Variants in BMPR2 observed in about 807,000 individuals in gnomAD.
BMPR2 encodes the protein bone morphogenetic protein receptor type-2.
Under a neutral mutation model 100.8 loss-of-function variants are expected in BMPR2, and 29 were observed. The observed-to-expected ratio is 0.29, with a 90% CI of 0.21 to 0.39. The LOEUF is 0.39. Ranked by LOEUF, BMPR2 falls within the 10% of genes least tolerant of loss-of-function variation. The pLI is 1.00. For synonymous variants in BMPR2, 382 were observed against 442.3 expected, an observed-to-expected ratio of 0.86 and a Z score of 1.71; for missense variants, 1,011 against 1,274.5, an observed-to-expected ratio of 0.79 and a Z score of 3.15.
At chr2:202,396,122 A>G (rs1202919366) in intron 1 of BMPR2, among the ~76,000 whole-genome samples, 5 of 152,188 alleles carry the variant, frequency 3.3e-5, no homozygotes, top group African/African-American at 1.2e-4. Context: ...TGAGAGGCCT[A>G]GTCAAGTGGT....
chr2:202,403,550 A>C (rs560740059), intron 1 of BMPR2, among the ~76,000 whole-genome samples: 1 of 152,204 alleles, frequency 6.6e-6, no homozygotes, highest in South Asian at 2.1e-4. Context: ...AAATTTAAGT[A>C]AAAGTGATAC....
At chr2:202,549,077 GCTTT>G (rs1688426312) in intron 10 of BMPR2, among the ~76,000 whole-genome samples, 1 of 152,000 alleles carries the variant, frequency 6.6e-6, no homozygotes, top group Admixed American at 6.6e-5. Flanking sequence ...CCACTGATCT[GCTTT>G]CTGTCACTAG....
rs375492148 is a variant in BMPR2, at chr2:202,555,890, T to G, written c.2225T>G (p.Ile742Ser). The G allele has an allele frequency of 6.2e-7, 1 of 1,613,978 alleles. No homozygotes were observed. The highest frequency in any genetic ancestry group is 8.5e-7 in the Non-Finnish European group (1 of 1,180,030). ...CLIPDVLPTQIYPLPKQQNLP... is the reference protein window; with the variant it reads ...CLIPDVLPTQSYPLPKQQNLP... ...ATTCCTGATGTTCTGCCTACTCAGA[T>G]CTATCCTCTCCCCAAGCAGCAGAAC... Residue 742 changes from isoleucine to serine, a missense_variant, in exon 12 of 13, where the codon ATC becomes AGC. Ile to Ser is a moderately radical substitution (Grantham distance 142). This residue lies in a region of BMPR2 where 508 missense variants were observed against 552.0 expected (regional missense o/e 0.92). Transcript: ENST00000374580.
At chr2:202,544,301 C>T (rs1391263112) in intron 10 of BMPR2, among the ~76,000 whole-genome samples, 1 of 152,012 alleles carries the variant, frequency 6.6e-6, no homozygotes, top group Non-Finnish European at 1.5e-5. Flanking sequence ...GATGAAGTTC[C>T]TCCTTAAGTA....
At chr2:202,452,590 C>G (rs1333405527) in intron 1 of BMPR2, among the ~76,000 whole-genome samples, 2 of 152,158 alleles carry the variant, frequency 1.3e-5, no homozygotes, top group Non-Finnish European at 2.9e-5. Flanking sequence ...CAAGTCCAGC[C>G]TGGGCAACAT....
At position 202,532,745 on chromosome 2, in the gene BMPR2, G is replaced by C; in HGVS notation, c.1276+13G>C. ...GACCTCTTCCCAGGTAAAAACTACTGTCAAAAGTTGATATTTTTTGAAGTG... is the reference window on the plus strand; with the variant it reads ...GACCTCTTCCCAGGTAAAAACTACTCTCAAAAGTTGATATTTTTTGAAGTG... On this transcript the variant is annotated intron_variant, in intron 9 of 12. Coordinates refer to ENST00000374580, the MANE Select transcript of BMPR2 (RefSeq NM_001204.7). The surrounding 1 kb of genome is among the most constrained non-coding windows in gnomAD (Gnocchi z 4.1). 3.7e-6 allele frequency: 6 copies of C among 1,609,552 alleles called. No individual in the cohort carries two copies. The highest frequency in any genetic ancestry group is 1.3e-5 in the African/African-American group (1 of 75,016).
Position 202,560,325 on chromosome 2 carries a change from A to ACGCCTGTAATCCC in BMPR2, c.*379_*380insCGCCTGTAATCCC. 5 of 238,810 alleles carry ACGCCTGTAATCCC rather than the reference A, an allele frequency of 2.1e-5. No individual in the cohort carries two copies. In the South Asian group the frequency reaches 2.8e-4, roughly 13 times the overall value. The allele number at this position is 238,810 out of a possible 1,614,324, so 14.8% of individuals were successfully genotyped here. ...AAGGTCATTAAAACAGAAGCAAATT[A>ACGCCTGTAATCCC]AGACAGGTTTGACTGCAGTGGTGTC... On this transcript the variant is annotated 3_prime_UTR_variant, in exon 13 of 13. Transcript: ENST00000374580.
intron 4 of BMPR2, among the ~76,000 whole-genome samples, chr2:202,514,562 G>A (rs769553463): frequency 1.3e-5 from 2 of 152,154 alleles, no homozygotes; most frequent in Non-Finnish European, 2.9e-5. Context: ...GGACTGTTTA[G>A]GAAATCAGCG....
chr2:202,463,714 A>G (rs920679464), intron 1 of BMPR2, among the ~76,000 whole-genome samples: 4 of 152,242 alleles, frequency 2.6e-5, no homozygotes, highest in Non-Finnish European at 4.4e-5. Context: ...TAGCTGATAA[A>G]TTATGTGGCA....
intron 1 of BMPR2, among the ~76,000 whole-genome samples, chr2:202,416,669 C>T (rs958921794): frequency 6.6e-6 from 1 of 151,796 alleles, no homozygotes; most frequent in African/African-American, 2.4e-5. Flanking sequence ...CGTGATCCGC[C>T]CGCCTCAGCC....
At chr2:202,379,838 TTTTC>T (rs3044179) in intron 1 of BMPR2, among the ~76,000 whole-genome samples, 3,395 of 150,422 alleles carry the variant, frequency 0.023, 51 homozygotes, top group Non-Finnish European at 0.034. Context: ...TCTTAGAACA[TTTTC>T]TTTCTTTCTT....
intron 1 of BMPR2, among the ~76,000 whole-genome samples, chr2:202,425,360 C>T (rs780303611): frequency 5.9e-5 from 9 of 152,160 alleles, no homozygotes; most frequent in South Asian, 2.1e-4. Flanking sequence ...GAAACAGAAG[C>T]GAGGTACAGA....
At chr2:202,453,674 AG>A (rs909752244) in intron 1 of BMPR2, among the ~76,000 whole-genome samples, 1 of 152,186 alleles carries the variant, frequency 6.6e-6, no homozygotes, top group Non-Finnish European at 1.5e-5. Context: ...ATAGTGGCAG[AG>A]GGGGTAAGGA....
At position 202,451,821 on chromosome 2, in the gene BMPR2, C is replaced by A. The variant is rs1199386129; in HGVS notation, c.77-12988C>A. Among the ~76,000 whole-genome samples, 4 of 152,166 alleles carry A rather than the reference C, an allele frequency of 2.6e-5. No individual in the cohort carries two copies. The East Asian group carries it at 7.8e-4, about 30-fold the overall frequency. On this transcript the variant is annotated intron_variant, in intron 1 of 12. Coordinates refer to ENST00000374580, the MANE Select transcript of BMPR2 (RefSeq NM_001204.7). ...CTGGAGTGCAATGGCATGATCTCAG[C>A]TCACCACAACCACCATCTCCCAGGT...
Position 202,555,236 on chromosome 2 carries a change from T to C in BMPR2, c.1587-16T>C. 1.2e-6 allele frequency: 2 copies of C among 1,608,384 alleles called. No homozygotes were observed. Among genetic ancestry groups the C allele is most frequent in the Non-Finnish European group, 1.7e-6 (2 of 1,175,092 alleles). ...AATGTACGTTCTCAATGTGATACTT[T>C]TTTTCTTTCTTTAAGCAACCTGTCA... On this transcript the variant is annotated splice_polypyrimidine_tract_variant and intron_variant, in intron 11 of 12. Transcript: ENST00000374580.
intron 1 of BMPR2, among the ~76,000 whole-genome samples, chr2:202,425,033 A>C (rs1390731688): frequency 6.6e-6 from 1 of 151,574 alleles, no homozygotes; most frequent in African/African-American, 2.4e-5. Context: ...ATCTCGGCTC[A>C]CTGCAACCTC....
chr2:202,459,179 C>T (rs572420476), intron 1 of BMPR2, among the ~76,000 whole-genome samples: 21 of 152,122 alleles, frequency 1.4e-4, no homozygotes, highest in Non-Finnish European at 2.6e-4. Flanking sequence ...CTTTCACAAC[C>T]CTCACACTCC....
At chr2:202,515,725 A>G (rs1487397190) in intron 5 of BMPR2, among the ~76,000 whole-genome samples, 1 of 151,930 alleles carries the variant, frequency 6.6e-6, no homozygotes, top group Non-Finnish European at 1.5e-5. Context: ...CCCTATCTCT[A>G]CTAAAATACA....
chr2:202,416,295 C>G (rs996802980), intron 1 of BMPR2, among the ~76,000 whole-genome samples: 1 of 150,192 alleles, frequency 6.7e-6, no homozygotes, highest in Admixed American at 6.7e-5. Flanking sequence ...CAGAAAGGGT[C>G]TCACTCTTGC....
Sources: allele counts gnomAD v4.1 joint callset (sites outside exome capture counted in the v4.1 genomes callset), GRCh38; gene constraint gnomAD v4.1.1; regional missense constraint gnomAD v4.1.1; non-coding constraint Gnocchi (gnomAD v3.1); transcripts MANE v1.5; gene names NCBI Gene and HGNC (gene_info 2026-07-23, HGNC 2026-07-21).